The following ITSN2 variants were observed in gnomAD, a reference collection of about 807,000 sequenced individuals.
ITSN2 encodes intersectin-2.
In ITSN2, 156 loss-of-function variants were observed where a neutral mutation model predicts 243.7. The ratio of observed to expected loss-of-function variants is 0.64; its 90% confidence interval spans 0.56 to 0.73. The LOEUF (loss-of-function observed/expected upper bound fraction) is 0.73. ITSN2 is among the 30% of genes least tolerant of loss of function. The pLI is 0.00. For synonymous variants in ITSN2, 703 were observed against 699.9 expected (o/e 1.00, Z -0.07); for missense variants, 1,801 against 1,996.1 (o/e 0.90, Z 1.86).
intron 29 of ITSN2, among the ~76,000 whole-genome samples, chr2:24,232,242 T>A (rs1442650430): frequency 1.3e-5 from 2 of 152,232 alleles, no homozygotes; most frequent in Non-Finnish European, 2.9e-5. Flanking sequence ...CATATTCTAA[T>A]GTTGCAGACC....
intron 17 of ITSN2, among the ~76,000 whole-genome samples, chr2:24,279,052 G>A (rs539849280): frequency 5.9e-5 from 9 of 152,218 alleles, no homozygotes; most frequent in African/African-American, 2.2e-4. Flanking sequence ...AATCATAAAT[G>A]GATATTAAAT....
chr2:24,272,421 C>G (rs1329007376), intron 18 of ITSN2, among the ~76,000 whole-genome samples: 2 of 147,038 alleles, frequency 1.4e-5, no homozygotes, highest in South Asian at 2.1e-4. Context: ...GAAAAACAAC[C>G]TACTTTTTTT....
intron 15 of ITSN2, among the ~76,000 whole-genome samples, chr2:24,286,934 T>C (rs908757232): frequency 1.3e-5 from 2 of 152,194 alleles, no homozygotes; most frequent in Non-Finnish European, 2.9e-5. Flanking sequence ...GATGGAAATA[T>C]ATAATGCAGA....
chr2:24,290,805 A>C (rs958765492), intron 15 of ITSN2, among the ~76,000 whole-genome samples: 2 of 152,098 alleles, frequency 1.3e-5, no homozygotes, highest in African/African-American at 4.8e-5. Flanking sequence ...GACTCTATTC[A>C]ATTCCATTGT....
At chr2:24,224,497 G>C (rs1247242948) in intron 29 of ITSN2, among the ~76,000 whole-genome samples, 1 of 152,166 alleles carries the variant, frequency 6.6e-6, no homozygotes, top group Non-Finnish European at 1.5e-5. Flanking sequence ...TAATACCTTG[G>C]AATAATAGCA....
chr2:24,295,161 C>T (rs1322405972), intron 14 of ITSN2, among the ~76,000 whole-genome samples: 2 of 152,144 alleles, frequency 1.3e-5, no homozygotes, highest in Non-Finnish European at 2.9e-5. Flanking sequence ...ATATATTAAG[C>T]AAAACTTAAC....
chr2:24,335,016 T>C (rs1465548619), intron 1 of ITSN2: 2 of 227,782 alleles, frequency 8.8e-6, no homozygotes, highest in African/African-American at 5.6e-5. Context: ...TGAGCCGAGA[T>C]CGCGCCACTG....
intron 5 of ITSN2, chr2:24,311,769 AAC>A (rs1273247821): frequency 6.0e-6 from 1 of 167,304 alleles, no homozygotes; most frequent in Non-Finnish European, 1.5e-5. Flanking sequence ...CTGGCTAATT[AAC>A]CTTTAAAAAA....
At chr2:24,270,862 A>G (rs1677253041) in intron 19 of ITSN2, 94 bp from the exon 20 acceptor site, 1 of 669,806 alleles carries the variant, frequency 1.5e-6, no homozygotes. Context: ...AGAAAAAATC[A>G]AGCACCAAAT....
At chr2:24,273,498 C>T (rs1314765158) in intron 18 of ITSN2, 1 of 152,116 alleles carries the variant, frequency 6.6e-6, no homozygotes, top group African/African-American at 2.4e-5. Context: ...GAGTACTTAG[C>T]ACATATTTAG....
At chr2:24,306,045 T>C (rs536039590) in intron 8 of ITSN2, among the ~76,000 whole-genome samples, 2 of 152,236 alleles carry the variant, frequency 1.3e-5, no homozygotes, top group South Asian at 4.2e-4. Context: ...AGTGGCATGA[T>C]CTCAGCTCAC....
intron 1 of ITSN2, among the ~76,000 whole-genome samples, chr2:24,339,857 T>C (rs1394229580): frequency 6.6e-6 from 1 of 152,016 alleles, no homozygotes; most frequent in African/African-American, 2.4e-5. Flanking sequence ...GGAGACTCTT[T>C]CTCTACAAAA....
intron 29 of ITSN2, among the ~76,000 whole-genome samples, chr2:24,222,019 A>G (rs1202650770): frequency 1.3e-5 from 2 of 152,182 alleles, no homozygotes; most frequent in Non-Finnish European, 2.9e-5. Context: ...TTGGGAGGCC[A>G]AGGTGGGTGT....
intron 20 of ITSN2, among the ~76,000 whole-genome samples, chr2:24,266,185 A>T (rs12469585): frequency 0.56 from 85,765 of 152,058 alleles, 25,093 homozygotes; most frequent in East Asian, 0.74. Flanking sequence ...GGGTTCCCAC[A>T]GTACTTACTC....
intron 29 of ITSN2, among the ~76,000 whole-genome samples, chr2:24,235,952 A>G (rs574112882): frequency 6.6e-6 from 1 of 152,318 alleles, no homozygotes; most frequent in South Asian, 2.1e-4. Flanking sequence ...GTCCTCAACA[A>G]ATTAAACATA....
intron 30 of ITSN2, among the ~76,000 whole-genome samples, chr2:24,219,462 A>G (rs1038256741): frequency 6.6e-6 from 1 of 152,226 alleles, no homozygotes; most frequent in Non-Finnish European, 1.5e-5. Flanking sequence ...GGAGGCTGCT[A>G]TGGAGGGACA....
chr2:24,357,860 T>C (rs971657357), intron 1 of ITSN2, among the ~76,000 whole-genome samples: 4 of 152,268 alleles, frequency 2.6e-5, no homozygotes, highest in Admixed American at 2.6e-4. Context: ...GACTAATATG[T>C]ACTTTCACTC....
At chr2:24,323,986 A>G (rs992642115) in intron 2 of ITSN2, among the ~76,000 whole-genome samples, 1 of 152,202 alleles carries the variant, frequency 6.6e-6, no homozygotes, top group Non-Finnish European at 1.5e-5. Flanking sequence ...TAATCCCAGC[A>G]CTTTGGGAGG....
chr2:24,216,202 GC>G lies in ITSN2; in HGVS notation c.3836del (p.Gly1279AlafsTer8). The stretch of plus-strand genomic sequence containing the variant: ...CAATCATCTGCACCGGCATCTTCTC[GC>G]CCCCGGTCTTCTTCCGCACCCGCAA... ...KALRVRKKTGGEKMPVQMIGD... is the reference protein window; with the variant it reads ...KALRVRKKTGXEKMPVQMIGD... On this transcript the variant is annotated frameshift_variant, in exon 32 of 40. Coordinates refer to ENST00000355123, the MANE Select transcript of ITSN2 (RefSeq NM_006277.3). LOFTEE classifies it high-confidence loss of function. 1 of 1,606,290 alleles carries G rather than the reference GC, an allele frequency of 6.2e-7. No individual in the cohort carries two copies. The highest frequency in any genetic ancestry group is 8.5e-7 in the Non-Finnish European group (1 of 1,176,290).
Sources: gnomAD v4.1 joint callset for allele counts (sites outside exome capture counted in the v4.1 genomes callset) on GRCh38, gnomAD v4.1.1 for gene constraint, MANE v1.5 for transcripts, NCBI Gene and HGNC (gene_info 2026-07-23, HGNC 2026-07-21) for gene names.